The following IFRD1 variants were observed in gnomAD, a reference collection of about 807,000 sequenced individuals.
IFRD1 encodes the protein interferon related developmental regulator 1, also known as interferon-related developmental regulator 1.
A neutral mutation model predicts 52.9 loss-of-function variants in IFRD1; 35 were observed. The ratio of observed to expected loss-of-function variants is 0.66; its 90% CI spans 0.51 to 0.88. The LOEUF (loss-of-function observed/expected upper bound fraction) is 0.88. Among genes scored for constraint, IFRD1 ranks in the 40% least tolerant of loss-of-function variants. The pLI is 0.00. For missense variants in IFRD1, 517 were observed against 550.8 expected, an observed-to-expected ratio of 0.94 and a Z score of 0.61; for synonymous variants, 184 against 188.4, an observed-to-expected ratio of 0.98 and a Z score of 0.19.
chr7:112,424,341 T>A (rs1794382556), intron 1 of IFRD1, among the ~76,000 whole-genome samples: 1 of 152,110 alleles, frequency 6.6e-6, no homozygotes, highest in African/African-American at 2.4e-5. Flanking sequence ...AGGTTCTAAG[T>A]CAGCACAGGG....
At chr7:112,453,273 A>G (rs1795208773) in intron 1 of IFRD1, among the ~76,000 whole-genome samples, 1 of 152,132 alleles carries the variant, frequency 6.6e-6, no homozygotes, top group Non-Finnish European at 1.5e-5. Flanking sequence ...ATAGCACTTA[A>G]TTTAAAGAGA....
At position 112,472,262 on chromosome 7, in the gene IFRD1, G is replaced by T; in HGVS notation, c.1085G>T (p.Arg362Leu). Residue 362 changes from arginine to leucine, a missense_variant, in exon 10 of 12, where the codon CGC becomes CTC. Arg to Leu is a moderately radical substitution (Grantham distance 102). Coordinates refer to ENST00000403825, the MANE Select transcript of IFRD1 (RefSeq NM_001550.4). Reference protein sequence around the residue: ...PTETIKFGPERMYIDCWVKKH... With the variant: ...PTETIKFGPELMYIDCWVKKH... ...GAAACCATTAAATTTGGTCCTGAAC[G>T]CATGTATATTGATTGCTGGGTAAAA... 3 of 1,613,898 alleles carry T rather than the reference G, an allele frequency of 1.9e-6. No homozygotes were observed. Among genetic ancestry groups the T allele is most frequent in the Non-Finnish European group, 2.5e-6 (3 of 1,179,862 alleles).
intron 8 of IFRD1, among the ~76,000 whole-genome samples, chr7:112,466,353 A>C (rs770872186): frequency 6.6e-6 from 1 of 152,186 alleles, no homozygotes. Context: ...GTGATTCACA[A>C]ACTAAACTTG....
At chr7:112,457,107 A>AT in intron 4 of IFRD1, 69 bp downstream of exon 4, 2 of 1,496,540 alleles carry the variant, frequency 1.3e-6, no homozygotes, top group Non-Finnish European at 1.9e-6. Context: ...TTTCAGTAAC[A>AT]TTTAGTAATA....
Position 112,456,898 on chromosome 7 carries a change from A to G in IFRD1, c.285-16A>G, listed in dbSNP as rs1381559713. 6 of 1,612,840 alleles carry G rather than the reference A, an allele frequency of 3.7e-6. No individual in the cohort carries two copies. The African/African-American group carries it at 8.0e-5, about 22-fold the overall frequency. ...TCCAACTGGATCTTCTTTCTCTTAC[A>G]TTGGGTGTTAAATAGTGCGAAGACA... On this transcript the variant is annotated splice_polypyrimidine_tract_variant and intron_variant, in intron 3 of 11. Transcript: ENST00000403825.
intron 1 of IFRD1, among the ~76,000 whole-genome samples, chr7:112,453,550 T>C (rs1795216928): frequency 6.6e-6 from 1 of 152,074 alleles, no homozygotes; most frequent in Non-Finnish European, 1.5e-5. Context: ...CTCTTAGAAA[T>C]AGGCTATGAA....
rs1279394573 is a variant in IFRD1 at position 112,461,733 on chromosome 7, T to A, written c.568-133T>A. Reference sequence around the variant, plus strand: ...ATATTCTTTCTCTCCTCACCTCTTTTATGTATAATGTTTGGGACCTAATAT... The same window carrying A: ...ATATTCTTTCTCTCCTCACCTCTTTAATGTATAATGTTTGGGACCTAATAT... On this transcript the variant is annotated intron_variant, in intron 5 of 11. Transcript: ENST00000403825. The A allele has an allele frequency of 9.9e-6, 5 of 507,264 alleles. No individual in the cohort carries two copies. In the East Asian group the frequency reaches 1.6e-4, roughly 16 times the overall value. 31.4% of individuals were successfully genotyped at this position (507,264 alleles called of 1,614,324 possible). A position where few individuals can be genotyped will look rare whatever the true frequency, so the allele number is the denominator to read the frequency against.
chr7:112,460,690 A>G (rs778797893), intron 5 of IFRD1, among the ~76,000 whole-genome samples: 3 of 152,100 alleles, frequency 2.0e-5, no homozygotes, highest in African/African-American at 2.4e-5. Context: ...ACAGTGTCCA[A>G]TTTTTACTAG....
chr7:112,445,291 C>A (rs62474579), intron 1 of IFRD1, among the ~76,000 whole-genome samples: 1 of 151,772 alleles, frequency 6.6e-6, no homozygotes, highest in Non-Finnish European at 1.5e-5. Flanking sequence ...TGGTCTCGAT[C>A]TCCTGACCTT....
upstream of IFRD1, chr7:112,450,412 G>A (rs554113391): frequency 2.0e-5 from 10 of 493,318 alleles, 1 homozygote; most frequent in East Asian, 1.5e-4. Flanking sequence ...ACAGAGTGAC[G>A]TCAGGTGGCG....
At chr7:112,438,267 A>G (rs770320249) in intron 1 of IFRD1, among the ~76,000 whole-genome samples, 1 of 152,244 alleles carries the variant, frequency 6.6e-6, no homozygotes, top group Non-Finnish European at 1.5e-5. Flanking sequence ...TAAAAAAGTA[A>G]TAACAGCACA....
intron 4 of IFRD1, chr7:112,458,448 A>G (rs1286405772): frequency 4.3e-6 from 1 of 234,894 alleles, no homozygotes; most frequent in Non-Finnish European, 8.5e-6. Flanking sequence ...TGGACTGTGT[A>G]CATCCGAAAT....
At chr7:112,452,418 C>T in intron 1 of IFRD1, 1 of 973,490 alleles carries the variant, frequency 1.0e-6, no homozygotes, top group South Asian at 4.7e-5. Flanking sequence ...AAGCCTCCCA[C>T]AATGCTGGGA....
At chr7:112,437,094 G>A (rs888316023) in intron 1 of IFRD1, 4 of 154,416 alleles carry the variant, frequency 2.6e-5, no homozygotes, top group Non-Finnish European at 4.4e-5. Context: ...GGGACAACAG[G>A]TGTGTGACCC....
At position 112,455,649 on chromosome 7, in the gene IFRD1, G is replaced by A. The variant is rs114703101; in HGVS notation, c.95-114G>A. On this transcript the variant is annotated intron_variant, in intron 1 of 11. Transcript: ENST00000403825. ...GTGATAAAATCTCTTTTTATAAAATGAGTCTGTGGTTTTATTACTGGATTT... is the reference window on the plus strand; with the variant it reads ...GTGATAAAATCTCTTTTTATAAAATAAGTCTGTGGTTTTATTACTGGATTT... The A allele has an allele frequency of 6.7e-4, 481 of 718,408 alleles. 2 individuals carry two copies. The African/African-American group carries it at 7.6e-3, about 11-fold the overall frequency. The allele number at this position is 718,408 out of a possible 1,614,324, so 44.5% of individuals were successfully genotyped here.
intron 1 of IFRD1, chr7:112,452,553 A>G (rs1795191433): frequency 1.7e-6 from 1 of 582,696 alleles, no homozygotes; most frequent in Non-Finnish European, 2.2e-6. Context: ...ATGAAATGGA[A>G]AAGTTTGAAA....
rs775826564 is a variant in IFRD1 at position 112,459,026 on chromosome 7, T to C, written c.567+8T>C. The C allele has an allele frequency of 6.2e-7, 1 of 1,609,260 alleles. No homozygotes were observed. Among genetic ancestry groups the C allele is most frequent in the African/African-American group, 1.3e-5 (1 of 74,912 alleles). ...ATGCAGGCTAGGCAAACTGTAAGTA[T>C]AAGATATTTACATTTATAGATCTGT... On this transcript the variant is annotated splice_region_variant and intron_variant, in intron 5 of 11. Coordinates refer to ENST00000403825, the MANE Select transcript of IFRD1 (RefSeq NM_001550.4).
In IFRD1 at chr7:112,467,969, T is replaced by C. The variant is rs186888945; in HGVS notation, c.907-12T>C. The C allele has an allele frequency of 1.5e-4, 234 of 1,613,534 alleles. No homozygotes were observed. In the African/African-American group the frequency reaches 2.8e-3, roughly 19 times the overall value. Reference sequence around the variant, plus strand: ...TAATAATAAAGGAAACAAAATTGCTTTTCTTGTCCAGGACTTTTTTTATGA... The same window carrying C: ...TAATAATAAAGGAAACAAAATTGCTCTTCTTGTCCAGGACTTTTTTTATGA... On this transcript the variant is annotated splice_polypyrimidine_tract_variant and intron_variant, in intron 8 of 11. Coordinates refer to ENST00000403825, the MANE Select transcript of IFRD1 (RefSeq NM_001550.4).
chr7:112,462,536 T>A (rs1795467739), intron 8 of IFRD1, among the ~76,000 whole-genome samples, 158 bp downstream of exon 8: 1 of 152,150 alleles, frequency 6.6e-6, no homozygotes, highest in Non-Finnish European at 1.5e-5. Context: ...GTGTAATACT[T>A]TAGAGAGCAG....
Sources: allele counts gnomAD v4.1 joint callset (sites outside exome capture counted in the v4.1 genomes callset), GRCh38; gene constraint gnomAD v4.1.1; transcripts MANE v1.5; gene names NCBI Gene and HGNC (gene_info 2026-07-23, HGNC 2026-07-21).